NRXN3: variants seen among roughly 807,000 people sequenced by gnomAD.
NRXN3 encodes neurexin 3, also known as neurexin III.
NRXN3 carries 32 observed loss-of-function variants against 137.6 expected under a neutral mutation model. That is an observed-to-expected ratio of 0.23 (90% CI 0.18 to 0.31). The LOEUF (loss-of-function observed/expected upper bound fraction) is 0.31. Among genes scored for constraint, NRXN3 ranks in the 10% least tolerant of loss-of-function variants. NRXN3 has a pLI of 1.00. For synonymous variants in NRXN3, 798 were observed against 784.5 expected, an observed-to-expected ratio of 1.02 and a Z score of -0.29; for missense variants, 1,574 against 2,062.5, an observed-to-expected ratio of 0.76 and a Z score of 4.59.
chr14:78,496,618 G>C, intron 4 of NRXN3, among the ~76,000 whole-genome samples: 1 of 152,090 alleles, frequency 6.6e-6, no homozygotes, highest in African/African-American at 2.4e-5. Context: ...AAAGGAGAAA[G>C]AGGCAATGCA....
intron 19 of NRXN3, among the ~76,000 whole-genome samples, chr14:79,741,815 C>T (rs1034232516): frequency 6.6e-6 from 1 of 151,840 alleles, no homozygotes; most frequent in Non-Finnish European, 1.5e-5. Context: ...CACACACACA[C>T]ACACACACAC....
intron 15 of NRXN3, among the ~76,000 whole-genome samples, chr14:79,020,839 G>C (rs974991868): frequency 3.4e-5 from 5 of 146,046 alleles, no homozygotes; most frequent in African/African-American, 1.3e-4. Context: ...TTTATGAAAT[G>C]CGCTCTGCCT....
At chr14:79,327,820 A>G (rs1006714580) in intron 15 of NRXN3, among the ~76,000 whole-genome samples, 49 of 152,340 alleles carry the variant, frequency 3.2e-4, no homozygotes, top group Admixed American at 2.9e-3. Context: ...CCACAGGCTC[A>G]CAGCATGGCA....
intron 10 of NRXN3, among the ~76,000 whole-genome samples, chr14:78,952,658 T>C (rs74069237): frequency 0.056 from 8,582 of 152,286 alleles, 689 homozygotes; most frequent in East Asian, 0.37. Flanking sequence ...ATCATTTAGA[T>C]GTATAATTAT....
At chr14:78,754,258 C>T (rs985013804) in intron 8 of NRXN3, among the ~76,000 whole-genome samples, 10 of 152,224 alleles carry the variant, frequency 6.6e-5, no homozygotes, top group Middle Eastern at 3.4e-3. Flanking sequence ...AATGGTCTCC[C>T]AGTTAATTAT....
At chr14:79,393,723 G>T (rs565544401) in intron 15 of NRXN3, among the ~76,000 whole-genome samples, 5 of 152,162 alleles carry the variant, frequency 3.3e-5, no homozygotes, top group Non-Finnish European at 7.3e-5. Context: ...GCTGAGGCAG[G>T]AGAATGGCGT....
chr14:79,373,962 A>G (rs1180729231), intron 15 of NRXN3, among the ~76,000 whole-genome samples: 1 of 152,162 alleles, frequency 6.6e-6, no homozygotes. Context: ...AGCTCTGGTA[A>G]CAGGAAAATG....
intron 15 of NRXN3, among the ~76,000 whole-genome samples, chr14:79,012,180 A>T (rs946136236): frequency 6.6e-6 from 1 of 152,194 alleles, no homozygotes; most frequent in African/African-American, 2.4e-5. Flanking sequence ...GTGATGTGAA[A>T]CATATATTAA....
At chr14:79,715,401 T>C (rs893441738) in intron 19 of NRXN3, among the ~76,000 whole-genome samples, 6 of 152,200 alleles carry the variant, frequency 3.9e-5, no homozygotes, top group African/African-American at 1.4e-4. Flanking sequence ...ATTTTTCCTC[T>C]AAAAGACTGT....
At chr14:79,708,498 G>GT (rs35950634) in intron 19 of NRXN3, among the ~76,000 whole-genome samples, 67,628 of 146,004 alleles carry the variant, frequency 0.46, 15,629 homozygotes, top group African/African-American at 0.56. Context: ...GGTAAGAATT[G>GT]TTTTTTTTTT....
rs184003196 is a variant in NRXN3, at chr14:78,686,661, G to A, written c.1222-22556G>A. 1.0e-3 allele frequency among the ~76,000 whole-genome samples: 153 copies of A among 152,232 alleles called. No individual in the cohort carries two copies. In the South Asian group the frequency reaches 0.013, roughly 13 times the overall value. On this transcript the variant is annotated intron_variant, in intron 6 of 20. Coordinates refer to ENST00000335750, the MANE Select transcript of NRXN3 (RefSeq NM_001330195.2). ...GTTTATATATTACCAGTGTATGTGC[G>A]TACCTTTGTATATATGAGTAAAAAT...
In NRXN3 at chr14:79,596,004, C is replaced by T. The variant is rs78405655; in HGVS notation, c.3445-67774C>T. On this transcript the variant is annotated intron_variant, in intron 16 of 20. Transcript: ENST00000335750. ...CCTGATGGTTCATGCCGTGGGGGAA[C>T]GGGTCTCTTTCCCAATATATAAGAG... 3.7e-3 allele frequency among the ~76,000 whole-genome samples: 556 copies of T among 150,680 alleles called. 3 individuals carry two copies. The highest frequency in any genetic ancestry group is 0.013 in the African/African-American group (529 of 41,106).
At chr14:79,629,792 A>ATGTT (rs1344301455) in intron 16 of NRXN3, among the ~76,000 whole-genome samples, 2 of 151,168 alleles carry the variant, frequency 1.3e-5, no homozygotes, top group Non-Finnish European at 2.9e-5. Flanking sequence ...AAGAACAGAT[A>ATGTT]TGTTTTGTGT....
intron 15 of NRXN3, among the ~76,000 whole-genome samples, chr14:78,990,283 C>T (rs969474517): frequency 6.6e-6 from 1 of 152,012 alleles, no homozygotes; most frequent in Non-Finnish European, 1.5e-5. Flanking sequence ...CTTGCCTAGT[C>T]CCCCACCTGG....
intron 10 of NRXN3, among the ~76,000 whole-genome samples, chr14:78,856,998 G>C (rs1268639122): frequency 6.6e-6 from 1 of 152,114 alleles, no homozygotes; most frequent in African/African-American, 2.4e-5. Flanking sequence ...CTCCCAAAGT[G>C]CTGGGATTAC....
intron 4 of NRXN3, among the ~76,000 whole-genome samples, chr14:78,409,343 G>A (rs1394714064): frequency 6.6e-6 from 1 of 152,192 alleles, no homozygotes; most frequent in South Asian, 2.1e-4. Context: ...CTGGGACACT[G>A]TCTTGTTAAG....
intron 16 of NRXN3, among the ~76,000 whole-genome samples, chr14:79,544,859 G>C (rs1381486567): frequency 1.3e-5 from 2 of 152,136 alleles, no homozygotes; most frequent in East Asian, 3.9e-4. Context: ...AGCAATCTGT[G>C]TTTTAAACAA....
At chr14:78,761,434 T>G (rs1052939562) in intron 8 of NRXN3, among the ~76,000 whole-genome samples, 1 of 152,148 alleles carries the variant, frequency 6.6e-6, no homozygotes, top group Non-Finnish European at 1.5e-5. Context: ...AATGCGTAGG[T>G]GACTCTGATT....
chr14:79,290,457 C>T (rs770293000), intron 15 of NRXN3, among the ~76,000 whole-genome samples: 2 of 152,084 alleles, frequency 1.3e-5, no homozygotes, highest in Non-Finnish European at 2.9e-5. Context: ...TCTGCAGAGA[C>T]TCAAACAAGT....
Sources: gnomAD v4.1 joint callset for allele counts (sites outside exome capture counted in the v4.1 genomes callset) on GRCh38, gnomAD v4.1.1 for gene constraint, MANE v1.5 for transcripts, NCBI Gene and HGNC (gene_info 2026-07-23, HGNC 2026-07-21) for gene names.